The following ZNF678 variants were observed in gnomAD, a reference collection of about 807,000 sequenced individuals.
ZNF678 encodes the protein zinc finger protein 678.
In ZNF678, 5 loss-of-function variants were observed where a neutral mutation model predicts 3.0. That is an observed-to-expected ratio of 1.69 (90% CI 0.88 to 3.56). The LOEUF is 3.56. ZNF678 is among the 30% of genes most tolerant of loss of function. The probability of loss-of-function intolerance (pLI) is 0.00; values close to 1 mark genes in which losing one functional copy is unlikely to be tolerated. For missense variants in ZNF678, 593 were observed against 605.0 expected (o/e 0.98, Z 0.21); for synonymous variants, 218 against 199.6 (o/e 1.09, Z -0.78).
intron 1 of ZNF678, among the ~76,000 whole-genome samples, chr1:227,612,742 A>G (rs184278672): frequency 7.2e-5 from 11 of 152,296 alleles, no homozygotes; most frequent in Non-Finnish European, 1.5e-4. Context: ...CTTGTCTCTT[A>G]CTGTCTTTTG....
Position 227,655,010 on chromosome 1 carries a change from C to A in ZNF678, c.760C>A (p.Gln254Lys), listed in dbSNP as rs1387417169. The change falls in exon 4 of 4, where the codon CAA becomes AAA. Residue 254 changes from glutamine to lysine, a missense_variant. Physicochemically the swap from Gln to Lys is moderately conservative, Grantham distance 53. Coordinates refer to ENST00000343776, the MANE Select transcript of ZNF678 (RefSeq NM_001367909.1). ...CTTTAACAAGTTCTCAAACCTTACT[C>A]AACATAAGAGAATTCATACTGGAGA... Reference protein sequence around the residue: ...KAFNKFSNLTQHKRIHTGEKP... With the variant: ...KAFNKFSNLTKHKRIHTGEKP... The A allele has an allele frequency of 1.1e-5, 18 of 1,609,614 alleles. No homozygotes were observed. The highest frequency in any genetic ancestry group is 1.5e-5 in the Non-Finnish European group (18 of 1,178,572).
rs532025553 is a variant in ZNF678 at position 227,658,132 on chromosome 1, C to G, written c.*2304C>G. On this transcript the variant is annotated 3_prime_UTR_variant, in exon 4 of 4. Coordinates refer to ENST00000343776, the MANE Select transcript of ZNF678 (RefSeq NM_001367909.1). ...ATTAGTATATTTTATTTTTGTATTT[C>G]AATTGGAGAACCCTATTTTGGCCAA... The G allele has an allele frequency of 6.6e-6, 1 of 151,978 alleles. No homozygotes were observed. The highest frequency in any genetic ancestry group is 1.9e-4 in the East Asian group (1 of 5,180). The allele number at this position is 151,978 out of a possible 1,614,324, so 9.4% of individuals were successfully genotyped here. A position where few individuals can be genotyped will look rare whatever the true frequency, so the allele number is the denominator to read the frequency against.
intron 1 of ZNF678, among the ~76,000 whole-genome samples, chr1:227,618,707 T>C (rs976783542): frequency 7.9e-5 from 12 of 151,946 alleles, no homozygotes; most frequent in African/African-American, 2.9e-4. Context: ...AAGGAAAGGG[T>C]GGTTTTTTGT....
chr1:227,577,651 T>G (rs546803044), intron 1 of ZNF678, among the ~76,000 whole-genome samples: 1 of 152,272 alleles, frequency 6.6e-6, no homozygotes, highest in Non-Finnish European at 1.5e-5. Flanking sequence ...GATGGGTCTC[T>G]TGAAGACAGC....
chr1:227,673,044 C>T (rs1211340391), intron 5 of ZNF678, among the ~76,000 whole-genome samples: 1 of 152,262 alleles, frequency 6.6e-6, no homozygotes, highest in East Asian at 1.9e-4. Context: ...CTGTATCATC[C>T]TCATAAATGG....
intron 2 of ZNF678, among the ~76,000 whole-genome samples, chr1:227,647,901 A>G (rs1273696404): frequency 6.6e-6 from 1 of 152,184 alleles, no homozygotes; most frequent in African/African-American, 2.4e-5. Context: ...GAGTAGTGGT[A>G]TATTGGCATT....
intron 1 of ZNF678, among the ~76,000 whole-genome samples, chr1:227,645,737 T>C (rs1658940096): frequency 6.6e-6 from 1 of 152,254 alleles, no homozygotes; most frequent in African/African-American, 2.4e-5. Context: ...CTTCTTGACC[T>C]ATGCTATCAT....
chr1:227,573,840 T>A (rs1277316613), intron 1 of ZNF678, among the ~76,000 whole-genome samples: 1 of 152,170 alleles, frequency 6.6e-6, no homozygotes, highest in African/African-American at 2.4e-5. Flanking sequence ...TACCATCAGA[T>A]AAGTCCCAGT....
chr1:227,615,435 C>T (rs1381727306), intron 1 of ZNF678, among the ~76,000 whole-genome samples: 1 of 152,202 alleles, frequency 6.6e-6, no homozygotes, highest in African/African-American at 2.4e-5. Context: ...ATCGGGCCAC[C>T]TCCAAAATCA....
intron 5 of ZNF678, among the ~76,000 whole-genome samples, chr1:227,668,547 T>C (rs1480733836): frequency 6.6e-6 from 1 of 152,222 alleles, no homozygotes; most frequent in Non-Finnish European, 1.5e-5. Context: ...TGTGTTCAAA[T>C]ACATTCATGG....
intron 1 of ZNF678, among the ~76,000 whole-genome samples, chr1:227,599,582 T>G (rs527626610): frequency 1.3e-5 from 2 of 152,342 alleles, no homozygotes; most frequent in Non-Finnish European, 2.9e-5. Flanking sequence ...ATTTTACATT[T>G]TGTATTAATT....
chr1:227,588,506 C>CTTTTTTTTTTT (rs747086047), intron 1 of ZNF678, among the ~76,000 whole-genome samples: 2 of 135,894 alleles, frequency 1.5e-5, no homozygotes, highest in South Asian at 2.3e-4. Flanking sequence ...GTTTTTTTTA[C>CTTTTTTTTTTT]TTTTTTTTTT....
chr1:227,594,034 A>G (rs929029360), intron 1 of ZNF678, among the ~76,000 whole-genome samples: 4 of 152,130 alleles, frequency 2.6e-5, no homozygotes, highest in African/African-American at 9.7e-5. Flanking sequence ...ATGTGCTAAA[A>G]GACTGAGTTT....
intron 1 of ZNF678, among the ~76,000 whole-genome samples, chr1:227,587,666 G>A (rs1412437545): frequency 2.6e-5 from 4 of 152,048 alleles, no homozygotes; most frequent in Non-Finnish European, 5.9e-5. Flanking sequence ...GAAATTTTGG[G>A]TATCATCACT....
intron 1 of ZNF678, among the ~76,000 whole-genome samples, chr1:227,629,998 A>T (rs1187364624): frequency 6.7e-6 from 1 of 148,326 alleles, no homozygotes; most frequent in African/African-American, 2.5e-5. Flanking sequence ...CCTGATCTCT[A>T]TTATAAAAAA....
At chr1:227,645,559 A>T (rs1342277534) in intron 1 of ZNF678, among the ~76,000 whole-genome samples, 6 of 152,166 alleles carry the variant, frequency 3.9e-5, no homozygotes, top group Non-Finnish European at 8.8e-5. Flanking sequence ...TTTACTATAA[A>T]TTTTGACCTG....
Position 227,654,674 on chromosome 1 carries a change from A to G in ZNF678, c.424A>G (p.Lys142Glu). 1 of 1,613,112 alleles carries G rather than the reference A, an allele frequency of 6.2e-7. No individual in the cohort carries two copies. The highest frequency in any genetic ancestry group is 1.7e-5 in the Admixed American group (1 of 59,876). Reference protein sequence around the residue: ...KVFNRCSNLTKHKRIHTGEKP... With the variant: ...KVFNRCSNLTEHKRIHTGEKP... ...TTTCAATCGATGTTCAAACCTAACA[A>G]AACATAAAAGAATTCATACTGGAGA... Residue 142 changes from lysine (K) to glutamate (E), a missense_variant, in exon 4 of 4, where the codon AAA becomes GAA. Transcript: ENST00000343776.
intron 1 of ZNF678, among the ~76,000 whole-genome samples, chr1:227,637,700 A>G (rs1658714795): frequency 6.6e-6 from 1 of 152,186 alleles, no homozygotes; most frequent in Non-Finnish European, 1.5e-5. Context: ...GGGCTCATGG[A>G]GAGGGCCTTT....
rs1658869485 is a variant in ZNF678, at chr1:227,643,382, T to A, written c.-163-3162T>A. Among the ~76,000 whole-genome samples, 3 of 152,316 alleles carry A rather than the reference T, an allele frequency of 2.0e-5. No homozygotes were observed. The South Asian group carries it at 6.2e-4, about 32-fold the overall frequency. On this transcript the variant is annotated intron_variant, in intron 1 of 3. Transcript: ENST00000343776. ...CAAACTGTGAAAGTCAGGTTTCTCATGGGCAGCCTTAGGAAAGACGTAACT... is the reference window on the plus strand; with the variant it reads ...CAAACTGTGAAAGTCAGGTTTCTCAAGGGCAGCCTTAGGAAAGACGTAACT...
Sources: allele counts gnomAD v4.1 joint callset (sites outside exome capture counted in the v4.1 genomes callset), GRCh38; gene constraint gnomAD v4.1.1; transcripts MANE v1.5; gene names NCBI Gene and HGNC (gene_info 2026-07-23, HGNC 2026-07-21).